CHRNA3: variants seen among roughly 807,000 people sequenced by gnomAD.
The protein encoded by CHRNA3 is cholinergic receptor nicotinic alpha 3 subunit.
A neutral mutation model predicts 41.9 loss-of-function variants in CHRNA3; 34 were observed. The ratio of observed to expected loss-of-function variants is 0.81; its 90% CI spans 0.62 to 1.08. The LOEUF (loss-of-function observed/expected upper bound fraction) is 1.08. Ranked by LOEUF, CHRNA3 falls within the 50% of genes least tolerant of loss-of-function variation. The probability of loss-of-function intolerance (pLI) is 0.00; values close to 1 mark genes in which losing one functional copy is unlikely to be tolerated. For missense variants in CHRNA3, 542 were observed against 638.3 expected (o/e 0.85, Z 1.63); for synonymous variants, 281 against 265.2 (o/e 1.06, Z -0.58).
At chr15:78,603,941 C>T (rs1360549430) in intron 4 of CHRNA3, among the ~76,000 whole-genome samples, 1 of 152,030 alleles carries the variant, frequency 6.6e-6, no homozygotes, top group Middle Eastern at 3.2e-3. Flanking sequence ...CAAGTGGACT[C>T]AGCCCATGTT....
rs2053537460 is a variant in CHRNA3 at position 78,620,726 on chromosome 15, CA to C, written c.68del (p.Leu23ArgfsTer31). On this transcript the variant is annotated frameshift_variant, in exon 1 of 6. Coordinates refer to ENST00000326828, the MANE Select transcript of CHRNA3 (RefSeq NM_000743.5). LOFTEE classifies it high-confidence loss of function. ...SPPRLLLLLL[L>X]SLLPVARASE... ...CTGTGCGCGTACCTGGCAGCAGAGA[CA>C]GCAGCAGCAGCAGCAGCAGCCGCGG... is the stretch of plus-strand genomic sequence containing the variant. The C allele has an allele frequency of 5.6e-6, 1 of 178,390 alleles. No individual in the cohort carries two copies. Among genetic ancestry groups the C allele is most frequent in the Admixed American group, 5.8e-4 (1 of 1,720 alleles). 11.1% of individuals were successfully genotyped at this position (178,390 alleles called of 1,614,324 possible).
intron 4 of CHRNA3, among the ~76,000 whole-genome samples, chr15:78,606,802 G>A (rs1411656533): frequency 6.6e-6 from 1 of 152,180 alleles, no homozygotes; most frequent in Non-Finnish European, 1.5e-5. Flanking sequence ...GGGAAGCTGA[G>A]GCAGGGGAAT....
chr15:78,602,865 A>C (rs1476224379), intron 4 of CHRNA3, among the ~76,000 whole-genome samples: 1 of 151,932 alleles, frequency 6.6e-6, no homozygotes, highest in African/African-American at 2.4e-5. Flanking sequence ...CATTCTTCCC[A>C]GTACTGTTTT....
In CHRNA3 at chr15:78,618,805, C is replaced by A; in HGVS notation, c.193G>T (p.Glu65Ter). 1 of 1,614,090 alleles carries A rather than the reference C, an allele frequency of 6.2e-7. No homozygotes were observed. The highest frequency in any genetic ancestry group is 8.5e-7 in the Non-Finnish European group (1 of 1,180,014). The change falls in exon 2 of 6, where the codon GAG becomes TAG. Residue 65 changes from glutamate (E) to a stop codon, truncating the protein, a stop_gained. Coordinates refer to ENST00000326828, the MANE Select transcript of CHRNA3 (RefSeq NM_000743.5). LOFTEE classifies it high-confidence loss of function. The stretch of plus-strand genomic sequence containing the variant: ...TTCACCAGCTGAGACATGGACACCT[C>A]GAAATGGATGATGACTGGGTCAGAC... ...NVSDPVIIHF[E>*]VSMSQLVKVD...
At chr15:78,603,902 G>C (rs1016654454) in intron 4 of CHRNA3, among the ~76,000 whole-genome samples, 2 of 152,132 alleles carry the variant, frequency 1.3e-5, no homozygotes, top group African/African-American at 4.8e-5. Context: ...GTAGGAGGGT[G>C]GGGTGGAGGT....
intron 4 of CHRNA3, among the ~76,000 whole-genome samples, chr15:78,612,370 T>A (rs1166791565): frequency 6.9e-6 from 1 of 145,166 alleles, no homozygotes; most frequent in Non-Finnish European, 1.5e-5. Flanking sequence ...AAAACAGAGA[T>A]ATAGATCAAA....
Sources: allele counts gnomAD v4.1 joint callset (sites outside exome capture counted in the v4.1 genomes callset), GRCh38; gene constraint gnomAD v4.1.1; transcripts MANE v1.5; gene names NCBI Gene and HGNC (gene_info 2026-07-23, HGNC 2026-07-21).